ABTB3: variants seen among roughly 807,000 people sequenced by gnomAD.
The protein encoded by ABTB3 is ankyrin repeat- and BTB/POZ domain-containing protein 3.
the ABTB3 span, among the ~76,000 whole-genome samples, chr12:107,380,110 G>C: frequency 1.3e-5 from 2 of 152,206 alleles, no homozygotes; most frequent in East Asian, 3.9e-4. Context: ...GTGCAGTACA[G>C]CAGTAGAGGT....
the ABTB3 span, among the ~76,000 whole-genome samples, chr12:107,536,206 G>C: frequency 1.3e-5 from 2 of 152,220 alleles, no homozygotes; most frequent in East Asian, 3.9e-4. Context: ...AATGAAACCA[G>C]ATCCCTATCT....
At chr12:107,440,828 G>A in the ABTB3 span, among the ~76,000 whole-genome samples, 4 of 152,212 alleles carry the variant, frequency 2.6e-5, no homozygotes, top group African/African-American at 9.6e-5. Flanking sequence ...TGACAATAAA[G>A]ATAACAGCTG....
the ABTB3 span, among the ~76,000 whole-genome samples, chr12:107,408,216 G>C: frequency 1.3e-5 from 2 of 152,182 alleles, no homozygotes; most frequent in African/African-American, 4.8e-5. Context: ...TGCACATAAA[G>C]GAGAGAAAGG....
the ABTB3 span, among the ~76,000 whole-genome samples, chr12:107,598,942 G>A: frequency 1.3e-5 from 2 of 152,180 alleles, no homozygotes; most frequent in Non-Finnish European, 2.9e-5. Context: ...GGGTCTGGAT[G>A]TTCCTCCTTC....
the ABTB3 span, chr12:107,319,144 T>A: frequency 6.2e-7 from 1 of 1,603,550 alleles, no homozygotes; most frequent in Non-Finnish European, 8.5e-7. Flanking sequence ...GCTTTGACAC[T>A]GTCAACACTG....
chr12:107,490,932 A>G, the ABTB3 span, among the ~76,000 whole-genome samples: 1 of 152,188 alleles, frequency 6.6e-6, no homozygotes, highest in African/African-American at 2.4e-5. Flanking sequence ...ATGAGAAAAG[A>G]GGCTCAGAGA....
chr12:107,499,294 C>T, the ABTB3 span, among the ~76,000 whole-genome samples: 5 of 151,988 alleles, frequency 3.3e-5, no homozygotes, highest in Admixed American at 6.6e-5. Context: ...TCATTTTTCT[C>T]GGTAGCACAG....
the ABTB3 span, among the ~76,000 whole-genome samples, chr12:107,526,973 T>G: frequency 1.3e-5 from 2 of 152,104 alleles, no homozygotes; most frequent in African/African-American, 4.8e-5. Flanking sequence ...TTCTTGAATA[T>G]TCCACTCATG....
the ABTB3 span, among the ~76,000 whole-genome samples, chr12:107,507,476 T>C: frequency 1.3e-5 from 2 of 152,134 alleles, no homozygotes; most frequent in East Asian, 1.9e-4. Flanking sequence ...CTCCCTCTGA[T>C]GGTTATTCTG....
chr12:107,640,421 TC>T, the ABTB3 span: 1 of 1,524,662 alleles, frequency 6.6e-7, no homozygotes, highest in Admixed American at 1.9e-5. Context: ...AAGGTACGTA[TC>T]ATCGGTTTTG....
the ABTB3 span, among the ~76,000 whole-genome samples, chr12:107,341,808 A>G: frequency 6.6e-6 from 1 of 152,174 alleles, no homozygotes; most frequent in Non-Finnish European, 1.5e-5. Context: ...TCTTCACCAC[A>G]GCAAGTTCTC....
At chr12:107,401,277 C>T in the ABTB3 span, among the ~76,000 whole-genome samples, 183 of 152,326 alleles carry the variant, frequency 1.2e-3, no homozygotes, top group Non-Finnish European at 2.1e-3. Context: ...GAGGTGATTA[C>T]GTAACCCCAG....
At chr12:107,468,999 C>T in the ABTB3 span, among the ~76,000 whole-genome samples, 1 of 152,124 alleles carries the variant, frequency 6.6e-6, no homozygotes, top group Non-Finnish European at 1.5e-5. Flanking sequence ...CACCTGTCCT[C>T]CCACACCCGC....
chr12:107,410,929 T>A, the ABTB3 span, among the ~76,000 whole-genome samples: 61 of 152,214 alleles, frequency 4.0e-4, 1 homozygote, highest in East Asian at 0.011. Flanking sequence ...TGAGCATGGA[T>A]GAAATTACCT....
chr12:107,395,673 C>T, the ABTB3 span, among the ~76,000 whole-genome samples: 2 of 152,206 alleles, frequency 1.3e-5, no homozygotes, highest in African/African-American at 4.8e-5. Context: ...CCCAACTTGG[C>T]CACGCTCCCC....
chr12:107,364,717 G>A, the ABTB3 span, among the ~76,000 whole-genome samples: 3 of 152,232 alleles, frequency 2.0e-5, no homozygotes, highest in East Asian at 3.9e-4. Context: ...CAGAAGCAGC[G>A]GGACACCAGG....
chr12:107,460,165 CAGAA>C, the ABTB3 span, among the ~76,000 whole-genome samples: 1 of 152,328 alleles, frequency 6.6e-6, no homozygotes, highest in East Asian at 1.9e-4. Flanking sequence ...AAAGAAAAGA[CAGAA>C]AGAGAAAGAG....
chr12:107,607,791 G>C, the ABTB3 span, among the ~76,000 whole-genome samples: 1 of 152,120 alleles, frequency 6.6e-6, no homozygotes, highest in Admixed American at 6.5e-5. Context: ...TCAGACCAAG[G>C]CTCCTCCGCA....
At chr12:107,473,311 C>G in the ABTB3 span, among the ~76,000 whole-genome samples, 1 of 152,144 alleles carries the variant, frequency 6.6e-6, no homozygotes, top group Non-Finnish European at 1.5e-5. Context: ...ACTACCATTT[C>G]CCACGTGTAA....
Sources: allele counts gnomAD v4.1 joint callset (sites outside exome capture counted in the v4.1 genomes callset), GRCh38; gene constraint gnomAD v4.1.1; transcripts MANE v1.5; gene names NCBI Gene and HGNC (gene_info 2026-07-23, HGNC 2026-07-21).